Variants in SH3BGRL observed in about 807,000 individuals in gnomAD.
SH3BGRL encodes the protein adapter SH3BGRL.
A neutral mutation model predicts 9.8 loss-of-function variants in SH3BGRL; 7 were observed. The observed-to-expected ratio is 0.72, with a 90% CI of 0.41 to 1.35. SH3BGRL has a LOEUF of 1.35. Ranked by LOEUF, SH3BGRL falls within the 40% of genes most tolerant of loss-of-function variation. The pLI is 0.01. For synonymous variants in SH3BGRL, 36 were observed against 29.1 expected (o/e 1.24, Z -0.76); for missense variants, 73 against 84.4 (o/e 0.86, Z 0.53).
chrX:81,238,679 C>T (rs1172715913), intron 1 of SH3BGRL, among the ~76,000 whole-genome samples: 2 of 110,650 alleles, frequency 1.8e-5, no homozygotes, highest in Non-Finnish European at 3.8e-5. Context: ...TACAGCAGGG[C>T]TCGGGTGAGA....
intron 1 of SH3BGRL, among the ~76,000 whole-genome samples, chrX:81,225,456 CATGACT>C: frequency 9.0e-6 from 1 of 110,877 alleles, no homozygotes; most frequent in East Asian, 2.8e-4. Context: ...TTTAACTCTG[CATGACT>C]ATGTGTATTC....
intron 3 of SH3BGRL, among the ~76,000 whole-genome samples, chrX:81,290,942 G>A (rs2075855987): frequency 1.8e-5 from 2 of 111,439 alleles, no homozygotes; most frequent in South Asian, 7.5e-4. Flanking sequence ...AGGATTTCAT[G>A]TTAGGTCATT....
At chrX:81,282,700 G>T (rs1313252658) in intron 3 of SH3BGRL, among the ~76,000 whole-genome samples, 1 of 111,590 alleles carries the variant, frequency 9.0e-6, no homozygotes, top group Non-Finnish European at 1.9e-5. Flanking sequence ...GAAAGTTTAT[G>T]GCCCTAAACG....
intron 1 of SH3BGRL, among the ~76,000 whole-genome samples, chrX:81,232,180 A>G (rs1263514086): frequency 1.8e-5 from 2 of 111,380 alleles, no homozygotes; most frequent in East Asian, 5.6e-4. Context: ...TATTACAGGT[A>G]TACCTTATTA....
intron 1 of SH3BGRL, among the ~76,000 whole-genome samples, chrX:81,225,147 AT>A (rs968811869): frequency 4.6e-5 from 5 of 109,478 alleles, no homozygotes; most frequent in Admixed American, 9.8e-5. Flanking sequence ...TACCAATTTT[AT>A]TTTTTTTTAA....
chrX:81,286,892 C>A (rs1312010814), intron 3 of SH3BGRL, among the ~76,000 whole-genome samples: 2 of 111,103 alleles, frequency 1.8e-5, no homozygotes, highest in Admixed American at 9.6e-5. Context: ...CAGATAAATT[C>A]ACATATTTGA....
intron 1 of SH3BGRL, among the ~76,000 whole-genome samples, chrX:81,252,229 A>G (rs2075713072): frequency 8.9e-6 from 1 of 112,346 alleles, no homozygotes; most frequent in South Asian, 3.6e-4. Context: ...AAGCGCAGAG[A>G]TGATTAGTAA....
intron 3 of SH3BGRL, among the ~76,000 whole-genome samples, chrX:81,285,683 C>A (rs1473336352): frequency 1.8e-5 from 2 of 111,797 alleles, no homozygotes; most frequent in Non-Finnish European, 3.8e-5. Context: ...GTGTCTAATT[C>A]TGAACTTTAG....
chrX:81,297,265 G>C lies in SH3BGRL; in HGVS notation c.*38G>C. On this transcript the variant is annotated 3_prime_UTR_variant, in exon 4 of 4. Transcript: ENST00000373212. Reference sequence around the variant, plus strand: ...GTGCTTTAAGCATCCTGAAAAATGAGTCTCCATTGCTTTTATAAAATAGCA... The same window carrying C: ...GTGCTTTAAGCATCCTGAAAAATGACTCTCCATTGCTTTTATAAAATAGCA... 3 of 1,118,879 alleles carry C rather than the reference G, an allele frequency of 2.7e-6. No individual in the cohort carries two copies. Among genetic ancestry groups the C allele is most frequent in the Non-Finnish European group, 2.4e-6 (2 of 817,677 alleles). The allele number at this position is 1,118,879 out of a possible 1,213,427, so 92.2% of individuals were successfully genotyped here.
chrX:81,209,373 G>A (rs757638495), intron 1 of SH3BGRL, among the ~76,000 whole-genome samples: 2 of 111,552 alleles, frequency 1.8e-5, no homozygotes, highest in Non-Finnish European at 3.8e-5. Context: ...GTCAGGCAAG[G>A]TGCCCAGGGC....
chrX:81,249,258 T>C (rs774961949), intron 1 of SH3BGRL, among the ~76,000 whole-genome samples: 1 of 112,773 alleles, frequency 8.9e-6, no homozygotes, highest in Non-Finnish European at 1.9e-5. Flanking sequence ...TAATTCTTAA[T>C]CTTTCCCAAC....
chrX:81,260,416 T>C (rs2075737662), intron 1 of SH3BGRL, among the ~76,000 whole-genome samples: 1 of 111,745 alleles, frequency 8.9e-6, no homozygotes, highest in Non-Finnish European at 1.9e-5. Flanking sequence ...AAAATAAGCA[T>C]GTAAAGAGCT....
At chrX:81,214,328 G>A (rs770965963) in intron 1 of SH3BGRL, among the ~76,000 whole-genome samples, 3 of 111,350 alleles carry the variant, frequency 2.7e-5, no homozygotes, top group East Asian at 5.6e-4. Context: ...GAAGAGATGA[G>A]TATATAGACT....
intron 1 of SH3BGRL, among the ~76,000 whole-genome samples, chrX:81,250,588 T>C (rs2075706498): frequency 8.9e-6 from 1 of 111,814 alleles, no homozygotes; most frequent in Admixed American, 9.4e-5. Context: ...GTATAGTTGA[T>C]GAAATTATGC....
intron 1 of SH3BGRL, among the ~76,000 whole-genome samples, chrX:81,224,408 G>C (rs1046566391): frequency 1.2e-4 from 13 of 111,633 alleles, no homozygotes; most frequent in African/African-American, 4.2e-4. Flanking sequence ...AGGAATGCTA[G>C]TTAGATTTTT....
chrX:81,221,034 A>G (rs774293032), intron 1 of SH3BGRL, among the ~76,000 whole-genome samples: 1 of 111,675 alleles, frequency 9.0e-6, no homozygotes, highest in African/African-American at 3.2e-5. Flanking sequence ...GTGTCCTAAC[A>G]TATGGTCTAT....
chrX:81,224,978 A>T (rs1305045218), intron 1 of SH3BGRL, among the ~76,000 whole-genome samples: 3 of 109,847 alleles, frequency 2.7e-5, no homozygotes, highest in Non-Finnish European at 5.7e-5. Context: ...AGTCTTTTCT[A>T]AAAAAAAGGT....
intron 3 of SH3BGRL, among the ~76,000 whole-genome samples, chrX:81,287,554 C>T (rs2075839106): frequency 9.0e-6 from 1 of 111,384 alleles, no homozygotes; most frequent in Non-Finnish European, 1.9e-5. Context: ...TAAAGAAATG[C>T]TAATACCAAA....
chrX:81,270,716 A>G (rs1743911520), intron 1 of SH3BGRL, among the ~76,000 whole-genome samples: 1 of 111,963 alleles, frequency 8.9e-6, no homozygotes, highest in Admixed American at 9.4e-5. Flanking sequence ...TCTGTCTGTT[A>G]TTGGAGCTCG....
Sources: allele counts gnomAD v4.1 joint callset (sites outside exome capture counted in the v4.1 genomes callset), GRCh38; gene constraint gnomAD v4.1.1; transcripts MANE v1.5; gene names NCBI Gene and HGNC (gene_info 2026-07-23, HGNC 2026-07-21).